The following YAP1 variants were observed in gnomAD, a reference collection of about 807,000 sequenced individuals.
YAP1 encodes the protein transcriptional coactivator YAP1.
YAP1 carries 5 observed loss-of-function variants against 56.9 expected under a neutral mutation model. The ratio of observed to expected loss-of-function variants is 0.09; its 90% confidence interval spans 0.05 to 0.18. YAP1 has a LOEUF of 0.18. Ranked by LOEUF, YAP1 falls within the 10% of genes least tolerant of loss-of-function variation. The probability of loss-of-function intolerance (pLI) is 1.00; values close to 1 mark genes in which losing one functional copy is unlikely to be tolerated. For synonymous variants in YAP1, 265 were observed against 248.1 expected, an observed-to-expected ratio of 1.07 and a Z score of -0.64; for missense variants, 539 against 651.8, an observed-to-expected ratio of 0.83 and a Z score of 1.88.
At chr11:102,127,221 A>C (rs1944083868) in intron 2 of YAP1, among the ~76,000 whole-genome samples, 1 of 152,166 alleles carries the variant, frequency 6.6e-6, no homozygotes, top group Non-Finnish European at 1.5e-5. Context: ...AATCCCCAAG[A>C]CCAAGGGGAA....
rs776735177 is a variant in YAP1, at chr11:102,186,432, T to TG, written c.802+302dup. 44 of 311,386 alleles carry TG rather than the reference T, an allele frequency of 1.4e-4. No individual in the cohort carries two copies. In the East Asian group the frequency reaches 2.3e-3, roughly 16 times the overall value. The allele number at this position is 311,386 out of a possible 1,614,324, so 19.3% of individuals were successfully genotyped here. A position where few individuals can be genotyped will look rare whatever the true frequency, so the allele number is the denominator to read the frequency against. ...AGAAACACAGTGATTGTTTTTAAAA[T>TG]GTTTTTTTTTTTTAGCTGCAATAAT... On this transcript the variant is annotated intron_variant, in intron 4 of 8. Transcript: ENST00000282441.
At chr11:102,199,533 AAT>A (rs1429127274) in intron 4 of YAP1, among the ~76,000 whole-genome samples, 4 of 152,236 alleles carry the variant, frequency 2.6e-5, no homozygotes, top group Non-Finnish European at 5.9e-5. Context: ...TGAGTTAATA[AAT>A]ATGTTTTTTT....
At chr11:102,157,103 A>G (rs756554255) in intron 2 of YAP1, among the ~76,000 whole-genome samples, 12 of 152,232 alleles carry the variant, frequency 7.9e-5, no homozygotes, top group Non-Finnish European at 1.5e-4. Flanking sequence ...AACAGCCTTC[A>G]GTGATAGCTT....
chr11:102,169,372 G>A (rs61893575), intron 3 of YAP1, among the ~76,000 whole-genome samples: 71,494 of 152,030 alleles, frequency 0.47, 18,031 homozygotes, highest in Middle Eastern at 0.58. Context: ...GTTTATCTCT[G>A]TAGGCTTTTT....
intron 2 of YAP1, among the ~76,000 whole-genome samples, chr11:102,127,650 C>T (rs1401544401): frequency 6.6e-6 from 1 of 152,182 alleles, no homozygotes; most frequent in African/African-American, 2.4e-5. Context: ...CACAGAGTCC[C>T]CACTGGGGCA....
rs1949727478 is a variant in YAP1, at chr11:102,217,695, A to T, written c.1033-5927A>T. Among the ~76,000 whole-genome samples, 5 of 152,086 alleles carry T rather than the reference A, an allele frequency of 3.3e-5. No homozygotes were observed. In the South Asian group the frequency reaches 1.0e-3, roughly 32 times the overall value. ...GTGGGAGAAAATTTTGAGGATGATT[A>T]TCTTTTTTTTTTGAGATGGAGGTTC... On this transcript the variant is annotated intron_variant, in intron 6 of 8. Coordinates refer to ENST00000282441, the MANE Select transcript of YAP1 (RefSeq NM_001130145.3).
At chr11:102,145,760 A>C (rs1274780494) in intron 2 of YAP1, among the ~76,000 whole-genome samples, 1 of 152,228 alleles carries the variant, frequency 6.6e-6, no homozygotes, top group Admixed American at 6.5e-5. Context: ...GGACAGGATT[A>C]ATAATACTTC....
chr11:102,130,058 T>A (rs1396278852), intron 2 of YAP1, among the ~76,000 whole-genome samples: 2 of 152,270 alleles, frequency 1.3e-5, no homozygotes, highest in Middle Eastern at 3.4e-3. Context: ...ATTATAGGCG[T>A]GAGCCACTGT....
intron 4 of YAP1, among the ~76,000 whole-genome samples, chr11:102,193,644 T>C (rs1948415254): frequency 6.6e-6 from 1 of 152,162 alleles, no homozygotes; most frequent in African/African-American, 2.4e-5. Flanking sequence ...AATTATACAG[T>C]GAAGAAACAT....
At chr11:102,181,832 T>G (rs976508156) in intron 3 of YAP1, among the ~76,000 whole-genome samples, 1 of 152,196 alleles carries the variant, frequency 6.6e-6, no homozygotes, top group Non-Finnish European at 1.5e-5. Flanking sequence ...TTTTTGTTGT[T>G]GTTTTTTGAG....
intron 5 of YAP1, 136 bp from the exon 6 acceptor site, chr11:102,209,381 G>A (rs534017560): frequency 3.5e-5 from 27 of 769,784 alleles, no homozygotes; most frequent in South Asian, 1.6e-4. Context: ...TCCTGTCTTC[G>A]TCAGTCTGCT....
chr11:102,151,323 C>A (rs919672446), intron 2 of YAP1, among the ~76,000 whole-genome samples: 1 of 152,104 alleles, frequency 6.6e-6, no homozygotes, highest in Non-Finnish European at 1.5e-5. Context: ...AGAAATCATA[C>A]CTCTGTAATT....
chr11:102,117,087 T>C (rs1425587260), intron 2 of YAP1, among the ~76,000 whole-genome samples: 1 of 152,232 alleles, frequency 6.6e-6, no homozygotes, highest in East Asian at 1.9e-4. Flanking sequence ...TTACAACTTC[T>C]TTTTGTGTAC....
chr11:102,206,463 C>T (rs374109644), intron 5 of YAP1, among the ~76,000 whole-genome samples: 2 of 152,210 alleles, frequency 1.3e-5, no homozygotes, highest in Admixed American at 6.5e-5. Context: ...TAATAACTTA[C>T]GTGGCGGGAT....
chr11:102,226,035 C>A (rs900865212), intron 7 of YAP1, among the ~76,000 whole-genome samples: 26 of 152,212 alleles, frequency 1.7e-4, no homozygotes, highest in Non-Finnish European at 2.1e-4. Flanking sequence ...TTGGAATGAA[C>A]TCTGCGCAAC....
At chr11:102,160,950 T>C (rs1946236149) in intron 2 of YAP1, among the ~76,000 whole-genome samples, 1 of 152,172 alleles carries the variant, frequency 6.6e-6, no homozygotes, top group Admixed American at 6.5e-5. Context: ...AGCTTTTTAT[T>C]TCCTGTGCAC....
intron 8 of YAP1, among the ~76,000 whole-genome samples, chr11:102,229,144 A>C (rs1376450144): frequency 6.6e-6 from 1 of 152,234 alleles, no homozygotes; most frequent in African/African-American, 2.4e-5. Context: ...TGGCCAAGTA[A>C]GTTTGGGAAA....
chr11:102,138,351 C>T (rs535060798), intron 2 of YAP1, among the ~76,000 whole-genome samples: 1 of 152,194 alleles, frequency 6.6e-6, no homozygotes, highest in South Asian at 2.1e-4. Flanking sequence ...TATCTGGGAG[C>T]TATACTGGGG....
intron 3 of YAP1, among the ~76,000 whole-genome samples, chr11:102,181,591 C>T (rs1947628203): frequency 6.6e-6 from 1 of 152,128 alleles, no homozygotes; most frequent in East Asian, 1.9e-4. Context: ...GAAAGACTCT[C>T]TCAAAATAAA....
Sources: allele counts gnomAD v4.1 joint callset (sites outside exome capture counted in the v4.1 genomes callset), GRCh38; gene constraint gnomAD v4.1.1; transcripts MANE v1.5; gene names NCBI Gene and HGNC (gene_info 2026-07-23, HGNC 2026-07-21).